ADGRL2: variants seen among roughly 807,000 people sequenced by gnomAD.
The protein encoded by ADGRL2 is calcium-independent alpha-latrotoxin receptor 2.
A neutral mutation model predicts 157.4 loss-of-function variants in ADGRL2; 44 were observed. The ratio of observed to expected loss-of-function variants is 0.28; its 90% confidence interval spans 0.22 to 0.36. The LOEUF is 0.36. Among genes scored for constraint, ADGRL2 ranks in the 10% least tolerant of loss-of-function variants. ADGRL2 has a pLI of 1.00. For synonymous variants in ADGRL2, 585 were observed against 624.7 expected (o/e 0.94, Z 0.95); for missense variants, 1,510 against 1,768.9 (o/e 0.85, Z 2.63).
rs573309153 is a variant in ADGRL2, at chr1:81,415,701, G to A, written c.-301-29335G>A. 1.1e-4 allele frequency among the ~76,000 whole-genome samples: 17 copies of A among 152,288 alleles called. No homozygotes were observed. The South Asian group carries it at 3.3e-3, about 30-fold the overall frequency. ...CTGACTTCAGTGGGTGACCATCTGC[G>A]ATAAAAAGGAGAATGTTTCCTTCTG... On this transcript the variant is annotated intron_variant, in intron 1 of 24. Coordinates refer to the ADGRL2 transcript ENST00000370721.
intron 2 of ADGRL2, among the ~76,000 whole-genome samples, chr1:81,554,607 C>G (rs1236249614): frequency 6.6e-6 from 1 of 151,984 alleles, no homozygotes; most frequent in Non-Finnish European, 1.5e-5. Context: ...TCACTAATAA[C>G]CGCTTTGCAA....
intron 2 of ADGRL2, among the ~76,000 whole-genome samples, chr1:81,792,625 T>C (rs908161045): frequency 6.6e-6 from 1 of 152,162 alleles, no homozygotes; most frequent in Non-Finnish European, 1.5e-5. Context: ...ATAAAGGTTT[T>C]ATGAGAGATA....
At chr1:81,903,812 TAC>T (rs66880348) in intron 2 of ADGRL2, among the ~76,000 whole-genome samples, 6,066 of 120,316 alleles carry the variant, frequency 0.05, 216 homozygotes, top group African/African-American at 0.12. Context: ...ACATTTTATA[TAC>T]ACACACACAC....
chr1:81,762,442 T>G (rs2085916134), intron 2 of ADGRL2, among the ~76,000 whole-genome samples: 1 of 152,190 alleles, frequency 6.6e-6, no homozygotes, highest in Non-Finnish European at 1.5e-5. Context: ...AATATTTAGT[T>G]TTAGTCTTTA....
Position 81,969,283 on chromosome 1 carries a change from C to T in ADGRL2, c.2629C>T (p.Arg877Cys), listed in dbSNP as rs777702018. ...CTGCATCTTCACCTTCTGCTTTTTC[C>T]GTGGCCTACAGAGTGACCGAAATAC... ...AICIFTFCFF[R>C]GLQSDRNTIH... Residue 877 changes from arginine to cysteine, a missense_variant, in exon 15 of 24, where the codon CGT becomes TGT. Arg to Cys is a radical substitution (Grantham distance 180). Around this residue, in one of 4 missense-constraint regions of ADGRL2, gnomAD observed 497 missense variants for 627.2 expected, o/e 0.79. Coordinates refer to ENST00000686636, the MANE Select transcript of ADGRL2 (RefSeq NM_001366006.2). 1.2e-6 allele frequency: 2 copies of T among 1,613,816 alleles called. No individual in the cohort carries two copies. Among genetic ancestry groups the T allele is most frequent in the South Asian group, 1.1e-5 (1 of 91,078 alleles).
At chr1:81,930,295 G>C (rs893674386) in intron 3 of ADGRL2, among the ~76,000 whole-genome samples, 1 of 152,160 alleles carries the variant, frequency 6.6e-6, no homozygotes, top group Admixed American at 6.5e-5. Flanking sequence ...AATCTTTCTT[G>C]AAAATACTGC....
chr1:81,631,012 A>G (rs1268784528), intron 3 of ADGRL2, among the ~76,000 whole-genome samples: 1 of 152,148 alleles, frequency 6.6e-6, no homozygotes. Context: ...ATACATTAAT[A>G]CTAAAGAACA....
intron 1 of ADGRL2, among the ~76,000 whole-genome samples, chr1:81,825,532 A>T (rs1169382916): frequency 1.3e-5 from 2 of 151,588 alleles, no homozygotes; most frequent in Non-Finnish European, 2.9e-5. Context: ...TTTAGTAGAG[A>T]CGGGATTTCA....
At chr1:81,973,630 G>C (rs1659387550) in intron 17 of ADGRL2, among the ~76,000 whole-genome samples, 1 of 152,148 alleles carries the variant, frequency 6.6e-6, no homozygotes, top group African/African-American at 2.4e-5. Flanking sequence ...AAGGGTAAAG[G>C]ACATTTTATT....
chr1:81,321,231 T>C lies in ADGRL2; in HGVS notation c.-302+14722T>C, dbSNP rs113635325. 2.9e-3 allele frequency among the ~76,000 whole-genome samples: 439 copies of C among 152,338 alleles called. 4 individuals carry two copies. Among genetic ancestry groups the C allele is most frequent in the African/African-American group, 9.5e-3 (397 of 41,576 alleles). On this transcript the variant is annotated intron_variant, in intron 1 of 24. Coordinates refer to the ADGRL2 transcript ENST00000370721. ...GCTATGGATTAGGTTTTAGTTTACTTAGGGCAATTTGGAGGCTGTTTTGGT... is the reference window on the plus strand; with the variant it reads ...GCTATGGATTAGGTTTTAGTTTACTCAGGGCAATTTGGAGGCTGTTTTGGT...
At chr1:81,662,523 C>T (rs988382916) in intron 3 of ADGRL2, among the ~76,000 whole-genome samples, 4 of 151,210 alleles carry the variant, frequency 2.6e-5, no homozygotes, top group Admixed American at 6.6e-5. Flanking sequence ...GGATTACAGG[C>T]GTGAGCCATG....
At chr1:81,871,043 G>A (rs927533377) in intron 2 of ADGRL2, among the ~76,000 whole-genome samples, 2 of 149,952 alleles carry the variant, frequency 1.3e-5, no homozygotes, top group African/African-American at 2.5e-5. Flanking sequence ...CCATTACCTC[G>A]TCATTTACAT....
intron 3 of ADGRL2, among the ~76,000 whole-genome samples, chr1:81,604,954 T>G (rs1330083826): frequency 6.6e-6 from 1 of 152,238 alleles, no homozygotes; most frequent in African/African-American, 2.4e-5. Flanking sequence ...CCATTGGTTT[T>G]TCTTTAGATG....
At chr1:81,510,817 T>C (rs1304394639) in intron 2 of ADGRL2, among the ~76,000 whole-genome samples, 1 of 152,200 alleles carries the variant, frequency 6.6e-6, no homozygotes, top group Admixed American at 6.5e-5. Flanking sequence ...TCTTTTTTCA[T>C]AGTTGGTAAC....
intron 3 of ADGRL2, among the ~76,000 whole-genome samples, chr1:81,686,448 G>T (rs570452799): frequency 6.6e-6 from 1 of 152,214 alleles, no homozygotes. Flanking sequence ...AGCCTTGAAT[G>T]ATCTTTTGTA....
chr1:81,456,471 C>T (rs1371430225), intron 2 of ADGRL2, among the ~76,000 whole-genome samples: 1 of 152,114 alleles, frequency 6.6e-6, no homozygotes, highest in Non-Finnish European at 1.5e-5. Flanking sequence ...GCCCTGGCCT[C>T]AAGCTGTCCT....
At chr1:81,474,215 A>G (rs1180926887) in intron 2 of ADGRL2, among the ~76,000 whole-genome samples, 1 of 152,228 alleles carries the variant, frequency 6.6e-6, no homozygotes, top group African/African-American at 2.4e-5. Flanking sequence ...AAAATACTAG[A>G]AAACCTATGG....
intron 2 of ADGRL2, among the ~76,000 whole-genome samples, chr1:81,894,876 A>G (rs1250197466): frequency 6.6e-6 from 1 of 152,112 alleles, no homozygotes; most frequent in Non-Finnish European, 1.5e-5. Flanking sequence ...TTTTTAAAGC[A>G]TGCAGGAGGA....
At chr1:81,890,526 G>A (rs1030524715) in intron 2 of ADGRL2, among the ~76,000 whole-genome samples, 23 of 152,112 alleles carry the variant, frequency 1.5e-4, no homozygotes, top group African/African-American at 5.3e-4. Context: ...GACTAAGTTG[G>A]GGGTCGGGGA....
Sources: gnomAD v4.1 joint callset for allele counts (sites outside exome capture counted in the v4.1 genomes callset) on GRCh38, gnomAD v4.1.1 for gene constraint, gnomAD v4.1.1 regional missense constraint, MANE v1.5 for transcripts, NCBI Gene and HGNC (gene_info 2026-07-23, HGNC 2026-07-21) for gene names.